GALNTL6: variants seen among roughly 807,000 people sequenced by gnomAD.
GALNTL6 encodes the protein polypeptide N-acetylgalactosaminyltransferase like 6, also known as polypeptide N-acetylgalactosaminyltransferase-like 6.
In GALNTL6, 46 loss-of-function variants were observed where a neutral mutation model predicts 73.7. That is an observed-to-expected ratio of 0.62 (90% CI 0.49 to 0.80). The LOEUF is 0.80. Ranked by LOEUF, GALNTL6 falls within the 30% of genes least tolerant of loss-of-function variation. The pLI is 0.00. For synonymous variants in GALNTL6, 259 were observed against 263.7 expected (o/e 0.98, Z 0.17); for missense variants, 604 against 755.0 (o/e 0.80, Z 2.34).
chr4:172,953,461 G>A (rs1377001326), intron 10 of GALNTL6, among the ~76,000 whole-genome samples: 1 of 152,196 alleles, frequency 6.6e-6, no homozygotes, highest in African/African-American at 2.4e-5. Context: ...AGTATCATCA[G>A]TGTCCTTGGT....
At chr4:171,886,031 A>G (rs1044286625) in intron 2 of GALNTL6, among the ~76,000 whole-genome samples, 1 of 152,132 alleles carries the variant, frequency 6.6e-6, no homozygotes, top group African/African-American at 2.4e-5. Context: ...AAAAAATTGT[A>G]GAGATTCTTT....
chr4:172,699,963 CAAAT>C (rs1733935326), intron 5 of GALNTL6, among the ~76,000 whole-genome samples: 1 of 151,990 alleles, frequency 6.6e-6, no homozygotes, highest in Non-Finnish European at 1.5e-5. Flanking sequence ...TCTCTTGAAA[CAAAT>C]TGTGTAGCAG....
At chr4:172,532,503 G>C (rs974763978) in intron 5 of GALNTL6, among the ~76,000 whole-genome samples, 1 of 152,198 alleles carries the variant, frequency 6.6e-6, no homozygotes, top group African/African-American at 2.4e-5. Context: ...AAGCCATCCA[G>C]TTTTTAGTAA....
At chr4:171,924,183 T>TACAC (rs371649848) in intron 2 of GALNTL6, among the ~76,000 whole-genome samples, 37,523 of 142,308 alleles carry the variant, frequency 0.26, 4,813 homozygotes, top group Middle Eastern at 0.31. Context: ...ACCACACACA[T>TACAC]ACACACACAC....
intron 2 of GALNTL6, among the ~76,000 whole-genome samples, chr4:171,870,634 T>C (rs561108343): frequency 2.6e-5 from 4 of 152,306 alleles, no homozygotes; most frequent in African/African-American, 9.6e-5. Flanking sequence ...CCTCAGAATG[T>C]GACTTTATTG....
At chr4:172,529,453 TA>T (rs1735092145) in intron 5 of GALNTL6, among the ~76,000 whole-genome samples, 1 of 152,134 alleles carries the variant, frequency 6.6e-6, no homozygotes, top group African/African-American at 2.4e-5. Flanking sequence ...TTACTAGTTT[TA>T]TTTTTTTAAT....
chr4:172,902,093 T>C (rs1406890056), intron 8 of GALNTL6, among the ~76,000 whole-genome samples: 1 of 152,156 alleles, frequency 6.6e-6, no homozygotes, highest in African/African-American at 2.4e-5. Context: ...TCCAGGTACT[T>C]AATTTGGAGT....
intron 2 of GALNTL6, among the ~76,000 whole-genome samples, chr4:171,989,414 A>G (rs1255262913): frequency 6.6e-6 from 1 of 152,174 alleles, no homozygotes; most frequent in Non-Finnish European, 1.5e-5. Flanking sequence ...ATGGGTTCCT[A>G]CACAGATGGG....
At chr4:172,818,865 G>A (rs1024373666) in intron 7 of GALNTL6, among the ~76,000 whole-genome samples, 6 of 152,166 alleles carry the variant, frequency 3.9e-5, no homozygotes, top group Non-Finnish European at 8.8e-5. Flanking sequence ...CCAAAGTGTT[G>A]GGATTACAGG....
At chr4:172,206,841 G>A (rs1242496571) in intron 2 of GALNTL6, among the ~76,000 whole-genome samples, 1 of 90,294 alleles carries the variant, frequency 1.1e-5, no homozygotes, top group Non-Finnish European at 2.1e-5. Context: ...TTTTTGAGAC[G>A]GAGTCTCACT....
At chr4:172,078,376 C>T (rs1015348633) in intron 2 of GALNTL6, among the ~76,000 whole-genome samples, 2 of 152,138 alleles carry the variant, frequency 1.3e-5, no homozygotes, top group African/African-American at 4.8e-5. Flanking sequence ...TTGTAAGTTT[C>T]GTGAGGCCTC....
At chr4:173,034,240 T>C (rs1753592067) in intron 12 of GALNTL6, among the ~76,000 whole-genome samples, 1 of 152,164 alleles carries the variant, frequency 6.6e-6, no homozygotes, top group Admixed American at 6.5e-5. Flanking sequence ...CTGGTGGTTC[T>C]CTCTTACTGT....
chr4:172,206,805 G>GTTTTTTTTTTTTTTTTTTTT (rs778156050), intron 2 of GALNTL6, among the ~76,000 whole-genome samples: 5 of 26,130 alleles, frequency 1.9e-4, no homozygotes, highest in African/African-American at 3.8e-4. Flanking sequence ...TTGTTTTTCT[G>GTTTTTTTTTTTTTTTTTTTT]TTTTTTTTGT....
At chr4:171,900,920 G>A (rs556920333) in intron 2 of GALNTL6, among the ~76,000 whole-genome samples, 80 of 152,192 alleles carry the variant, frequency 5.3e-4, no homozygotes, top group African/African-American at 1.9e-3. Flanking sequence ...TTTGATTAAG[G>A]AGGCAATGGA....
chr4:172,919,103 T>C (rs868220553), intron 8 of GALNTL6, among the ~76,000 whole-genome samples: 33 of 152,206 alleles, frequency 2.2e-4, no homozygotes, highest in Admixed American at 6.5e-4. Context: ...CCTTGGCTCC[T>C]AGAAACCCAA....
At position 172,288,787 on chromosome 4, in the gene GALNTL6, C is replaced by G. The variant is rs181274373; in HGVS notation, c.248-22827C>G. 1.3e-3 allele frequency among the ~76,000 whole-genome samples: 201 copies of G among 152,084 alleles called. 1 individual carries two copies. Among genetic ancestry groups the G allele is most frequent in the Admixed American group, 3.8e-3 (58 of 15,260 alleles). Reference sequence around the variant, plus strand: ...GTTTTTTTAACTGTAAATTGTAACTCGACTATTGGCTGAATTGGACATAGA... The same window carrying G: ...GTTTTTTTAACTGTAAATTGTAACTGGACTATTGGCTGAATTGGACATAGA... On this transcript the variant is annotated intron_variant, in intron 3 of 12. Transcript: ENST00000506823.
At chr4:172,048,928 AGC>A (rs1240661380) in intron 2 of GALNTL6, among the ~76,000 whole-genome samples, 3 of 152,140 alleles carry the variant, frequency 2.0e-5, no homozygotes, top group Admixed American at 6.5e-5. Flanking sequence ...AGTTTGAAAG[AGC>A]CAAGCTATAA....
At chr4:172,704,681 A>G (rs1438358403) in intron 5 of GALNTL6, among the ~76,000 whole-genome samples, 3 of 152,024 alleles carry the variant, frequency 2.0e-5, no homozygotes, top group Non-Finnish European at 4.4e-5. Context: ...GCTGGATGAA[A>G]TGTTCTTTAA....
At chr4:172,367,171 G>A (rs1022121460) in intron 5 of GALNTL6, among the ~76,000 whole-genome samples, 1 of 152,264 alleles carries the variant, frequency 6.6e-6, no homozygotes, top group South Asian at 2.1e-4. Context: ...AGTGGGGAGG[G>A]AGAGTATTCA....
Sources: gnomAD v4.1 joint callset for allele counts (sites outside exome capture counted in the v4.1 genomes callset) on GRCh38, gnomAD v4.1.1 for gene constraint, MANE v1.5 for transcripts, NCBI Gene and HGNC (gene_info 2026-07-23, HGNC 2026-07-21) for gene names.